Variants in DOK7 observed in about 807,000 individuals in gnomAD.
The protein encoded by DOK7 is docking protein 7, also known as protein Dok-7.
Under a neutral mutation model 30.7 loss-of-function variants are expected in DOK7, and 32 were observed. The observed-to-expected ratio is 1.04, with a 90% CI of 0.79 to 1.40. DOK7 has a LOEUF of 1.40. Ranked by LOEUF, DOK7 falls within the 40% of genes most tolerant of loss-of-function variation. The pLI is 0.00. For missense variants in DOK7, 1,007 were observed against 699.2 expected (o/e 1.44, Z -4.97); for synonymous variants, 447 against 324.1 (o/e 1.38, Z -4.07).
chr4:3,476,645 C>CAAG, intron 4 of DOK7, 103 bp downstream of exon 4: 1 of 1,472,428 alleles, frequency 6.8e-7, no homozygotes, highest in Non-Finnish European at 9.4e-7. Flanking sequence ...GGCTGGCCTG[C>CAAG]TGGCATTTCC....
intron 2 of DOK7, among the ~76,000 whole-genome samples, chr4:3,468,122 G>A (rs928099140): frequency 1.3e-5 from 2 of 152,342 alleles, no homozygotes; most frequent in Middle Eastern, 6.8e-3. Flanking sequence ...GTGTGTGCAT[G>A]TGAATACCTG....
rs1728754415 is a variant in DOK7, at chr4:3,494,192, C to T, written c.*691C>T. On this transcript the variant is annotated 3_prime_UTR_variant, in exon 7 of 7. Coordinates refer to ENST00000340083, the MANE Select transcript of DOK7 (RefSeq NM_173660.5). ...GACCCCACTGGGAGAGGCGCCGTGC[C>T]TCGGGCCCCTGGTGGGAGCTCTGCT... 1 of 985,594 alleles carries T rather than the reference C, an allele frequency of 1.0e-6. No individual in the cohort carries two copies. Among genetic ancestry groups the T allele is most frequent in the Non-Finnish European group, 1.2e-6 (1 of 830,030 alleles). The allele number at this position is 985,594 out of a possible 1,614,324, so 61.1% of individuals were successfully genotyped here. A position where few individuals can be genotyped will look rare whatever the true frequency, so the allele number is the denominator to read the frequency against.
chr4:3,474,728 A>G lies in DOK7; in HGVS notation c.331+1092A>G, dbSNP rs143583002. On this transcript the variant is annotated intron_variant, in intron 3 of 6. Transcript: ENST00000340083. ...TCCCAGCTACTCAGGAGGCTGAGAC[A>G]GGAGAATCGCTTGAACCTGGGAGGC... 2.1e-3 allele frequency among the ~76,000 whole-genome samples: 325 copies of G among 152,226 alleles called. 4 individuals are homozygous for G. The highest frequency in any genetic ancestry group is 4.9e-4 in the Non-Finnish European group (33 of 67,998).
chr4:3,467,009 G>A (rs973186870), intron 2 of DOK7, among the ~76,000 whole-genome samples: 3 of 152,140 alleles, frequency 2.0e-5, no homozygotes, highest in Non-Finnish European at 2.9e-5. Context: ...GTCGATGGCC[G>A]CCCCCCTTGC....
At chr4:3,497,132 G>C (rs774313014), downstream of DOK7, among the ~76,000 whole-genome samples, 2 of 152,134 alleles carry the variant, frequency 1.3e-5, no homozygotes, top group African/African-American at 4.8e-5. Flanking sequence ...CAGCAGGGCA[G>C]TGGGTAGAGG....
chr4:3,490,700 C>A lies in DOK7; in HGVS notation c.772+904C>A, dbSNP rs562760592. On this transcript the variant is annotated intron_variant, in intron 6 of 6. Coordinates refer to ENST00000340083, the MANE Select transcript of DOK7 (RefSeq NM_173660.5). ...CCCCGCATTCCTTCCTTCCTTCCCC[C>A]CTCATGCATTCCTTCATTTCCCCCC... 1.9e-5 allele frequency among the ~76,000 whole-genome samples: 2 copies of A among 103,426 alleles called. 1 individual carries two copies. The highest frequency in any genetic ancestry group is 8.5e-4 in the South Asian group (2 of 2,358). 67.9% of individuals were successfully genotyped at this position (103,426 alleles called of 152,430 possible).
chr4:3,500,524 C>G (rs1312229079), intron 7 of DOK7: 6 of 1,468,380 alleles, frequency 4.1e-6, no homozygotes, highest in Non-Finnish European at 4.5e-6. Context: ...ACAGCCTCCC[C>G]CCAGGAGGCA....
intron 4 of DOK7, among the ~76,000 whole-genome samples, chr4:3,478,900 C>G (rs2699432): frequency 0.54 from 81,481 of 152,082 alleles, 23,916 homozygotes; most frequent in African/African-American, 0.78. Context: ...TGCAGGCCGT[C>G]TGGCTGGAGG....
chr4:3,500,213 C>T (rs551189636), intron 6 of DOK7: 83 of 1,530,914 alleles, frequency 5.4e-5, no homozygotes, highest in African/African-American at 3.4e-4. Context: ...GTGCCCCTCT[C>T]GGTCCCCACC....
chr4:3,489,550 C>T lies in DOK7; in HGVS notation c.653-127C>T, dbSNP rs760509104. The stretch of plus-strand genomic sequence containing the variant: ...CTCTGGGATGAGGCATCGGGAGGAG[C>T]GGGGACTCCCAGGGGACTGCCACTC... On this transcript the variant is annotated intron_variant, in intron 5 of 6. Coordinates refer to ENST00000340083, the MANE Select transcript of DOK7 (RefSeq NM_173660.5). 165 of 1,445,246 alleles carry T rather than the reference C, an allele frequency of 1.1e-4. No homozygotes were observed. The African/African-American group carries it at 1.6e-3, about 14-fold the overall frequency. The allele number at this position is 1,445,246 out of a possible 1,614,324, so 89.5% of individuals were successfully genotyped here.
chr4:3,489,535 A>T, intron 5 of DOK7, 142 bp from the exon 6 acceptor site: 1 of 1,343,874 alleles, frequency 7.4e-7, no homozygotes, highest in Non-Finnish European at 1.0e-6. Flanking sequence ...CTCTGGGATG[A>T]GGCATCGGGA....
rs775583136 is a variant in DOK7 at position 3,476,523 on chromosome 4, C to A, written c.513C>A (p.Gly171=). ...TGCCAAGCGGATTCATCTTTGAAGG[C>A]GGGACCAGGTGTGGGTACTGTAAGT... ...GAVPSGFIFE[G]GTRCGYWAGV... Residue 171 remains glycine (G), a synonymous_variant, in exon 4 of 7, where the codon GGC becomes GGA. Transcript: ENST00000340083. 3.7e-6 allele frequency: 6 copies of A among 1,613,784 alleles called. No individual in the cohort carries two copies. The South Asian group carries it at 5.5e-5, about 15-fold the overall frequency.
intron 2 of DOK7, 146 bp downstream of exon 2, chr4:3,463,697 C>G (rs1577135162): frequency 9.1e-7 from 1 of 1,099,350 alleles, no homozygotes; most frequent in Non-Finnish European, 1.3e-6. Context: ...CCGGACCCCC[C>G]GGCGCCCCTG....
rs748569461 is a variant in DOK7, at chr4:3,492,812, A to G, written c.826A>G (p.Ser276Gly). The part of the protein sequence containing the change: ...SSSEASHLDV[S>G]ASSRLTAWPE... ...CTCAGAGGCCAGTCACTTGGACGTC[A>G]GCGCCAGCAGCCGGCTCACCGCATG... Residue 276 changes from serine to glycine, a missense_variant, in exon 7 of 7, where the codon AGC becomes GGC. Physicochemically the swap from Ser to Gly is moderately conservative, Grantham distance 56. Transcript: ENST00000340083. The G allele has an allele frequency of 1.2e-6, 2 of 1,612,672 alleles. No homozygotes were observed. The highest frequency in any genetic ancestry group is 2.2e-5 in the South Asian group (2 of 91,080).
downstream of DOK7, chr4:3,496,726 C>CT (rs1465181195): frequency 7.1e-7 from 1 of 1,416,100 alleles, no homozygotes; most frequent in Non-Finnish European, 9.5e-7. Context: ...CTGTGTCACT[C>CT]TTGGGGGGTA....
At chr4:3,497,983 G>A (rs150487039), downstream of DOK7, among the ~76,000 whole-genome samples, 4 of 152,302 alleles carry the variant, frequency 2.6e-5, no homozygotes, top group East Asian at 7.7e-4. Context: ...CACAGGTGTG[G>A]GGATCAAGGG....
chr4:3,492,203 T>A (rs1005100717), intron 6 of DOK7, among the ~76,000 whole-genome samples: 2 of 151,802 alleles, frequency 1.3e-5, no homozygotes, highest in Admixed American at 1.3e-4. Flanking sequence ...GTGCTTCTCA[T>A]CCCCCGCAGG....
intron 2 of DOK7, among the ~76,000 whole-genome samples, chr4:3,468,189 T>G (rs1011136333): frequency 7.0e-5 from 10 of 142,260 alleles, no homozygotes; most frequent in Admixed American, 3.5e-4. Flanking sequence ...TGTGTGGGGG[T>G]GTGTGTGCAC....
intron 2 of DOK7, among the ~76,000 whole-genome samples, chr4:3,469,380 C>G (rs887350090): frequency 5.3e-5 from 8 of 152,194 alleles, no homozygotes; most frequent in Non-Finnish European, 1.2e-4. Context: ...TCTGCAAAAG[C>G]CTTCCCTGGC....
Sources: allele counts gnomAD v4.1 joint callset (sites outside exome capture counted in the v4.1 genomes callset), GRCh38; gene constraint gnomAD v4.1.1; transcripts MANE v1.5; gene names NCBI Gene and HGNC (gene_info 2026-07-23, HGNC 2026-07-21).